Variants in MIDEAS observed in about 807,000 individuals in gnomAD.
The protein encoded by MIDEAS is mitotic deacetylase-associated SANT domain protein.
A neutral mutation model predicts 102.7 loss-of-function variants in MIDEAS; 26 were observed. That is an observed-to-expected ratio of 0.25 (90% CI 0.19 to 0.35). The LOEUF (loss-of-function observed/expected upper bound fraction) is 0.35. MIDEAS is among the 10% of genes least tolerant of loss of function. MIDEAS has a pLI of 1.00. For synonymous variants in MIDEAS, 585 were observed against 591.0 expected, an observed-to-expected ratio of 0.99 and a Z score of 0.15; for missense variants, 1,231 against 1,435.6, an observed-to-expected ratio of 0.86 and a Z score of 2.30.
At chr14:73,780,110 A>G (rs1456464782) in intron 1 of MIDEAS, among the ~76,000 whole-genome samples, 2 of 150,214 alleles carry the variant, frequency 1.3e-5, no homozygotes, top group Non-Finnish European at 3.0e-5. Context: ...TCCCGACCTC[A>G]TGATCCACCA....
chr14:73,788,063 T>G (rs1020453441), upstream of MIDEAS, among the ~76,000 whole-genome samples: 7 of 150,072 alleles, frequency 4.7e-5, no homozygotes, highest in African/African-American at 1.7e-4. Context: ...ACCTTTAAGA[T>G]AAGTAGCAAC....
intron 12 of MIDEAS, 108 bp downstream of exon 12, chr14:73,719,197 C>T: frequency 6.7e-7 from 1 of 1,502,802 alleles, no homozygotes; most frequent in Non-Finnish European, 8.9e-7. Context: ...CAACCAGAAA[C>T]GAGGCGGACA....
intron 1 of MIDEAS, among the ~76,000 whole-genome samples, chr14:73,769,902 GT>G (rs796246766): frequency 1.7e-4 from 19 of 109,782 alleles, no homozygotes; most frequent in South Asian, 7.2e-4. Context: ...GCCCGGCTGG[GT>G]TTTTTTTTTT....
chr14:73,729,498 T>C, intron 4 of MIDEAS, 142 bp downstream of exon 4: 1 of 697,970 alleles, frequency 1.4e-6, no homozygotes, highest in Non-Finnish European at 2.3e-6. Context: ...ACAACCTCCT[T>C]CTCAATCTCA....
chr14:73,748,391 C>A (rs1288443168), intron 1 of MIDEAS, among the ~76,000 whole-genome samples: 1 of 152,184 alleles, frequency 6.6e-6, no homozygotes, highest in East Asian at 1.9e-4. Context: ...ATTAGCAGGG[C>A]ATGGTGACAC....
chr14:73,756,926 C>T (rs1056306430), intron 1 of MIDEAS, among the ~76,000 whole-genome samples: 11 of 152,118 alleles, frequency 7.2e-5, no homozygotes, highest in Non-Finnish European at 1.5e-4. Flanking sequence ...GGGCCCAACA[C>T]ATGACAAGTA....
At chr14:73,744,082 C>T (rs1359623282) in intron 1 of MIDEAS, among the ~76,000 whole-genome samples, 1 of 151,972 alleles carries the variant, frequency 6.6e-6, no homozygotes, top group Non-Finnish European at 1.5e-5. Flanking sequence ...GTGCTGACCC[C>T]ACATATATGT....
At position 73,725,388 on chromosome 14, in the gene MIDEAS, T is replaced by C; in HGVS notation, c.2486-28A>G. The C allele has an allele frequency of 6.2e-7, 1 of 1,600,204 alleles. No individual in the cohort carries two copies. Among genetic ancestry groups the C allele is most frequent in the Non-Finnish European group, 8.6e-7 (1 of 1,167,946 alleles). ...ATGGGGCAAAGAGGCAGCCAGGGAGTGAGGTGGGCAGGGCCCTGGCCACTG... is the reference window on the plus strand; with the variant it reads ...ATGGGGCAAAGAGGCAGCCAGGGAGCGAGGTGGGCAGGGCCCTGGCCACTG... On this transcript the variant is annotated intron_variant, in intron 8 of 12. Coordinates refer to ENST00000423556, the MANE Select transcript of MIDEAS (RefSeq NM_001367710.1). The surrounding 1 kb of genome is among the most constrained non-coding windows in gnomAD (Gnocchi z 4.1).
At position 73,722,653 on chromosome 14, in the gene MIDEAS, G is replaced by A. The variant is rs770979323; in HGVS notation, c.2724+45C>T. 1.4e-5 allele frequency: 22 copies of A among 1,603,492 alleles called. 1 individual carries two copies. Among genetic ancestry groups the A allele is most frequent in the Middle Eastern group, 1.7e-4 (1 of 5,956 alleles). On this transcript the variant is annotated intron_variant, in intron 10 of 12. Coordinates refer to ENST00000423556, the MANE Select transcript of MIDEAS (RefSeq NM_001367710.1). Reference sequence around the variant, plus strand: ...GGCTCCCAGCTCAGGCCTGGTCCCAGACCCAGCCCAGGCTCTATGCAGCTG... The same window carrying A: ...GGCTCCCAGCTCAGGCCTGGTCCCAAACCCAGCCCAGGCTCTATGCAGCTG...
In MIDEAS at chr14:73,715,175, A is replaced by C. The variant is rs1254643848; in HGVS notation, c.*3668T>G. The C allele has an allele frequency of 6.6e-6, 1 of 152,658 alleles. No individual in the cohort carries two copies. The highest frequency in any genetic ancestry group is 1.5e-5 in the Non-Finnish European group (1 of 68,046). 9.5% of individuals were successfully genotyped at this position (152,658 alleles called of 1,614,324 possible). ...GGTTTAAAGATACAGAAGAACATTCAAAAGTAAATAAGTTACATAGGTACA... is the reference window on the plus strand; with the variant it reads ...GGTTTAAAGATACAGAAGAACATTCCAAAGTAAATAAGTTACATAGGTACA... On this transcript the variant is annotated 3_prime_UTR_variant, in exon 13 of 13. Transcript: ENST00000423556.
Position 73,726,618 on chromosome 14 carries a change from T to C in MIDEAS, c.2395A>G (p.Arg799Gly). 6.2e-7 allele frequency: 1 copy of C among 1,614,164 alleles called. No homozygotes were observed. The highest frequency in any genetic ancestry group is 8.5e-7 in the Non-Finnish European group (1 of 1,180,016). ...TGCCTTCTCACCAGGATGTCTCCTC[T>C]GGATTCGTGCAGACAGTGCAGGGCC... is the stretch of plus-strand genomic sequence containing the variant. Reference protein sequence around the residue: ...ELALHCLHESRGDILETLNKL... With the variant: ...ELALHCLHESGGDILETLNKL... The change falls in exon 7 of 13, where the codon AGA becomes GGA. Residue 799 changes from arginine to glycine, a missense_variant. Around this residue, in one of 5 missense-constraint regions of MIDEAS, gnomAD observed 391 missense variants for 483.0 expected, o/e 0.81. Transcript: ENST00000423556.
chr14:73,740,401 T>C lies in MIDEAS; in HGVS notation c.-247-146A>G, dbSNP rs2053268192. 6 of 397,194 alleles carry C rather than the reference T, an allele frequency of 1.5e-5. No homozygotes were observed. The East Asian group carries it at 1.8e-4, about 12-fold the overall frequency. The allele number at this position is 397,194 out of a possible 1,614,324, so 24.6% of individuals were successfully genotyped here. On this transcript the variant is annotated intron_variant, in intron 1 of 12. Coordinates refer to ENST00000423556, the MANE Select transcript of MIDEAS (RefSeq NM_001367710.1). ...ACAGGCCCCAAGTCACAGAGCAGCA[T>C]TGGTGAGGCAGGAGCCAGGACTTTT...
upstream of MIDEAS, among the ~76,000 whole-genome samples, chr14:73,789,499 C>T (rs1475674203): frequency 3.3e-5 from 5 of 152,204 alleles, no homozygotes; most frequent in Admixed American, 3.3e-4. Flanking sequence ...AGCTAAGCTG[C>T]CTGGATTCCT....
chr14:73,759,101 T>C lies in MIDEAS; in HGVS notation c.-248+662A>G, dbSNP rs1324760240. 4.0e-5 allele frequency among the ~76,000 whole-genome samples: 6 copies of C among 151,184 alleles called. No individual in the cohort carries two copies. The highest frequency in any genetic ancestry group is 2.6e-4 in the Admixed American group (4 of 15,252). On this transcript the variant is annotated intron_variant, in intron 1 of 12. Coordinates refer to ENST00000423556, the MANE Select transcript of MIDEAS (RefSeq NM_001367710.1). This position sits in a 1 kb window ranked among gnomAD's most constrained non-coding sequence, Gnocchi z 6.7. ...CGGGGGCGCGCGGGAGGATGACAGG[T>C]CTGAGGTGCGCCCGCCCGCGCGAAG...
intron 1 of MIDEAS, among the ~76,000 whole-genome samples, chr14:73,780,507 A>G (rs982163454): frequency 6.6e-6 from 1 of 152,216 alleles, no homozygotes; most frequent in Non-Finnish European, 1.5e-5. Flanking sequence ...TCACTCATGC[A>G]TGGGTATGAC....
chr14:73,744,690 G>A (rs1471995624), intron 1 of MIDEAS, among the ~76,000 whole-genome samples: 1 of 149,644 alleles, frequency 6.7e-6, no homozygotes, highest in Non-Finnish European at 1.5e-5. Flanking sequence ...CTTGGCTCCT[G>A]CCACCTCTCT....
At position 73,738,661 on chromosome 14, in the gene MIDEAS, C is replaced by T. The variant is rs1266443681; in HGVS notation, c.1348G>A (p.Val450Met). ...GDCGQVLRGG[V>M]IQSTRRRRRA... is the part of the protein sequence containing the mutation. ...CGCCTCCGTCGCGTGCTCTGGATCA[C>T]TCCGCCCCGTAGCACCTGCCCACAG... Residue 450 changes from valine to methionine, a missense_variant, in exon 2 of 13, where the codon GTG becomes ATG. Coordinates refer to ENST00000423556, the MANE Select transcript of MIDEAS (RefSeq NM_001367710.1). The T allele has an allele frequency of 1.2e-6, 2 of 1,613,872 alleles. No individual in the cohort carries two copies. Among genetic ancestry groups the T allele is most frequent in the East Asian group, 2.2e-5 (1 of 44,880 alleles).
chr14:73,768,511 CTTTTTTTTT>C lies in MIDEAS; in HGVS notation c.-248+18582_-248+18590del, dbSNP rs59819061. On this transcript the variant is annotated intron_variant, in intron 1 of 11. Coordinates refer to the MIDEAS transcript ENST00000394071. ...TTATTTTAACTGAATTTATTGCCAACTTTTTTTTTTTTTTTTTTTTTTGAGACACAGCCT... is the reference window on the plus strand; with the variant it reads ...TTATTTTAACTGAATTTATTGCCAACTTTTTTTTTTTTTGAGACACAGCCT... Among the ~76,000 whole-genome samples the C allele has an allele frequency of 2.1e-3, 290 of 138,378 alleles. 2 individuals are homozygous for C. Among genetic ancestry groups the C allele is most frequent in the African/African-American group, 6.0e-3 (211 of 35,308 alleles). The allele number at this position is 138,378 out of a possible 152,430, so 90.8% of individuals were successfully genotyped here.
At chr14:73,751,294 C>A (rs1003577628) in intron 1 of MIDEAS, among the ~76,000 whole-genome samples, 7 of 152,220 alleles carry the variant, frequency 4.6e-5, no homozygotes, top group Non-Finnish European at 1.0e-4. Flanking sequence ...ACTTCCTCCC[C>A]CAAGAGTTTC....
Sources: gnomAD v4.1 joint callset for allele counts (sites outside exome capture counted in the v4.1 genomes callset) on GRCh38, gnomAD v4.1.1 for gene constraint, gnomAD v4.1.1 regional missense constraint, Gnocchi (gnomAD v3.1) non-coding constraint, MANE v1.5 for transcripts, NCBI Gene and HGNC (gene_info 2026-07-23, HGNC 2026-07-21) for gene names.